Variants in CA4 observed in about 807,000 individuals in gnomAD.
CA4 encodes carbonic anhydrase 4.
CA4 carries 24 observed loss-of-function variants against 34.5 expected under a neutral mutation model. The observed-to-expected ratio is 0.70, with a 90% CI of 0.50 to 0.98. The LOEUF (loss-of-function observed/expected upper bound fraction) is 0.98. CA4 is among the 50% of genes least tolerant of loss of function. CA4 has a pLI of 0.00. For synonymous variants in CA4, 178 were observed against 170.6 expected, an observed-to-expected ratio of 1.04 and a Z score of -0.34; for missense variants, 394 against 396.7, an observed-to-expected ratio of 0.99 and a Z score of 0.06.
downstream of CA4, among the ~76,000 whole-genome samples, chr17:60,160,149 T>C (rs1408671499): frequency 6.6e-6 from 1 of 152,124 alleles, no homozygotes; most frequent in Non-Finnish European, 1.5e-5. Flanking sequence ...GCTGCTTGGC[T>C]GGCTGGAGGC....
downstream of CA4, among the ~76,000 whole-genome samples, chr17:60,161,802 G>T (rs866234353): frequency 1.3e-5 from 2 of 152,118 alleles, no homozygotes; most frequent in African/African-American, 4.8e-5. Flanking sequence ...CTGTCAGCGG[G>T]GGGTGTGTGG....
chr17:60,158,289 G>T lies in CA4; in HGVS notation c.587G>T (p.Ser196Ile). 5 of 1,614,130 alleles carry T rather than the reference G, an allele frequency of 3.1e-6. No homozygotes were observed. Among genetic ancestry groups the T allele is most frequent in the Non-Finnish European group, 4.2e-6 (5 of 1,179,998 alleles). The change falls in exon 7 of 8, where the codon AGC becomes ATC. Residue 196 changes from serine (S) to isoleucine (I), a missense_variant. Transcript: ENST00000300900. Reference protein sequence around the residue: ...ALSNIPKPEMSTTMAESSLLD... With the variant: ...ALSNIPKPEMITTMAESSLLD... ...TCCTCTGCCCCTATCTCAGAGATGA[G>T]CACTACGATGGCAGAGAGCAGCCTG...
At chr17:60,163,686 G>A (rs558094223), downstream of CA4, among the ~76,000 whole-genome samples, 14 of 152,306 alleles carry the variant, frequency 9.2e-5, no homozygotes, top group East Asian at 1.2e-3. Context: ...AGTTCCTTCC[G>A]CAGAGCCCTC....
chr17:60,159,185 G>A, intron 7 of CA4, 45 bp from the exon 8 acceptor site: 2 of 1,541,268 alleles, frequency 1.3e-6, no homozygotes, highest in Non-Finnish European at 1.8e-6. Context: ...GGCAGGGAGT[G>A]CAGCTCCCCC....
chr17:60,156,999 T>C, intron 3 of CA4: 1 of 538,982 alleles, frequency 1.9e-6, no homozygotes, highest in Non-Finnish European at 3.3e-6. Flanking sequence ...TTCAGAGGAC[T>C]GCCAGGAGCT....
downstream of CA4, among the ~76,000 whole-genome samples, chr17:60,172,080 T>TC (rs2083915982): frequency 6.6e-6 from 1 of 151,998 alleles, no homozygotes; most frequent in Non-Finnish European, 1.5e-5. Context: ...AATGTGGAAG[T>TC]CCCCCTCTTC....
At chr17:60,161,306 C>T (rs2083785783), downstream of CA4, among the ~76,000 whole-genome samples, 1 of 152,098 alleles carries the variant, frequency 6.6e-6, no homozygotes, top group South Asian at 2.1e-4. Flanking sequence ...AGGTCAGGCC[C>T]CAGGTGCCAG....
At chr17:60,152,440 C>A (rs933108983) in intron 1 of CA4, among the ~76,000 whole-genome samples, 1 of 152,238 alleles carries the variant, frequency 6.6e-6, no homozygotes, top group Non-Finnish European at 1.5e-5. Flanking sequence ...GGTCAAAAGT[C>A]TCCATGATTA....
chr17:60,160,960 G>C (rs1455772439), downstream of CA4, among the ~76,000 whole-genome samples: 1 of 151,762 alleles, frequency 6.6e-6, no homozygotes, highest in Non-Finnish European at 1.5e-5. Context: ...GAGTGAGGTG[G>C]AGGGCATTGG....
intron 5 of CA4, among the ~76,000 whole-genome samples, chr17:60,169,265 C>CAAAAAAAAAAA (rs1567737713): frequency 5.5e-4 from 77 of 139,578 alleles, no homozygotes; most frequent in African/African-American, 2.1e-3. Flanking sequence ...AAAAAAAAAG[C>CAAAAAAAAAAA]AGCAGCAGCA....
At chr17:60,161,391 T>A (rs938862952), downstream of CA4, among the ~76,000 whole-genome samples, 2 of 151,728 alleles carry the variant, frequency 1.3e-5, no homozygotes, top group African/African-American at 4.8e-5. Context: ...AGCCTTGGAG[T>A]GGGGTTGGCT....
Position 60,157,582 on chromosome 17 carries a change from C to T in CA4, c.414+10C>T. On this transcript the variant is annotated intron_variant, in intron 4 of 7. Transcript: ENST00000300900. Reference sequence around the variant, plus strand: ...GCACTTTGCCATGGAGGTGAGGGCCCCTTCCCGACTGGGACCTTGTCTGGG... The same window carrying T: ...GCACTTTGCCATGGAGGTGAGGGCCTCTTCCCGACTGGGACCTTGTCTGGG... 3.1e-6 allele frequency: 5 copies of T among 1,614,174 alleles called. No homozygotes were observed. The highest frequency in any genetic ancestry group is 4.2e-6 in the Non-Finnish European group (5 of 1,180,022).
chr17:60,174,018 T>C (rs1252855662), downstream of CA4, among the ~76,000 whole-genome samples: 1 of 152,180 alleles, frequency 6.6e-6, no homozygotes, highest in Non-Finnish European at 1.5e-5. Flanking sequence ...AACATTATTG[T>C]TATATTATGC....
chr17:60,168,742 G>A (rs556565223), intron 5 of CA4, among the ~76,000 whole-genome samples: 2 of 152,272 alleles, frequency 1.3e-5, no homozygotes, highest in African/African-American at 4.8e-5. Flanking sequence ...AGAAGATCGG[G>A]TGGTCCCTCT....
At chr17:60,160,228 C>G (rs1313750480), downstream of CA4, among the ~76,000 whole-genome samples, 2 of 152,300 alleles carry the variant, frequency 1.3e-5, no homozygotes, top group African/African-American at 4.8e-5. Context: ...CTCCCCTGTG[C>G]TAGGGGTGAA....
chr17:60,162,034 C>T (rs1010710266), downstream of CA4, among the ~76,000 whole-genome samples: 5 of 152,090 alleles, frequency 3.3e-5, no homozygotes, highest in African/African-American at 1.2e-4. Context: ...AGGTGTTCGA[C>T]CCTCCCCATC....
At chr17:60,156,093 C>T (rs114438818) in intron 2 of CA4, among the ~76,000 whole-genome samples, 45 of 152,262 alleles carry the variant, frequency 3.0e-4, no homozygotes, top group Admixed American at 2.1e-3. Context: ...TGATGCTCAG[C>T]GCCCTTCATC....
At chr17:60,160,518 C>G (rs1267203496), downstream of CA4, among the ~76,000 whole-genome samples, 2 of 151,718 alleles carry the variant, frequency 1.3e-5, no homozygotes, top group Non-Finnish European at 2.9e-5. Context: ...AATTCCAGCA[C>G]TTTGGGAAGC....
At chr17:60,174,445 C>T (rs1206626861), downstream of CA4, among the ~76,000 whole-genome samples, 1 of 151,760 alleles carries the variant, frequency 6.6e-6, no homozygotes, top group Admixed American at 6.6e-5. Flanking sequence ...CTGGGGCCCA[C>T]ATTCCTGCAG....
Sources: allele counts gnomAD v4.1 joint callset (sites outside exome capture counted in the v4.1 genomes callset), GRCh38; gene constraint gnomAD v4.1.1; transcripts MANE v1.5; gene names NCBI Gene and HGNC (gene_info 2026-07-23, HGNC 2026-07-21).